The following IFT56 variants were observed in gnomAD, a reference collection of about 807,000 sequenced individuals.
IFT56 encodes intraflagellar transport protein 56.
chr7:139,187,550 A>G, the IFT56 span: 1 of 1,614,012 alleles, frequency 6.2e-7, no homozygotes, highest in Non-Finnish European at 8.5e-7. Flanking sequence ...GTAAGTAAAC[A>G]GGCAAGAAAT....
At chr7:139,149,161 T>C in the IFT56 span, among the ~76,000 whole-genome samples, 2 of 151,682 alleles carry the variant, frequency 1.3e-5, no homozygotes, top group African/African-American at 2.4e-5. Context: ...AAAAATTAGC[T>C]GGGCGTGGTG....
chr7:139,180,569 G>C, the IFT56 span, among the ~76,000 whole-genome samples: 3 of 152,092 alleles, frequency 2.0e-5, no homozygotes, highest in African/African-American at 7.2e-5. Flanking sequence ...AATTAGCTGG[G>C]TGTGGTGGCA....
chr7:139,137,970 G>T, the IFT56 span: 2 of 1,369,070 alleles, frequency 1.5e-6, no homozygotes, highest in South Asian at 1.2e-5. Flanking sequence ...TTTCCTAACA[G>T]AACTGTGTTT....
chr7:139,187,639 T>TA, the IFT56 span: 1 of 1,413,942 alleles, frequency 7.1e-7, no homozygotes, highest in African/African-American at 1.4e-5. Flanking sequence ...CACATGATTA[T>TA]AATGATGTTT....
chr7:139,135,603 C>T, the IFT56 span, among the ~76,000 whole-genome samples: 9 of 152,308 alleles, frequency 5.9e-5, no homozygotes, highest in African/African-American at 2.2e-4. Context: ...GATATCGATT[C>T]CTGGGCTCCT....
At chr7:139,145,978 C>G in the IFT56 span, among the ~76,000 whole-genome samples, 2 of 152,056 alleles carry the variant, frequency 1.3e-5, no homozygotes, top group African/African-American at 4.8e-5. Context: ...TAATATTTTA[C>G]TCTCTTTTCT....
the IFT56 span, among the ~76,000 whole-genome samples, chr7:139,176,345 A>G: frequency 1.3e-5 from 2 of 152,106 alleles, no homozygotes; most frequent in African/African-American, 4.8e-5. Context: ...TATGGACTAC[A>G]TACCCACAAA....
At chr7:139,148,104 G>A in the IFT56 span, 1 of 1,033,740 alleles carries the variant, frequency 9.7e-7, no homozygotes, top group Non-Finnish European at 1.4e-6. Flanking sequence ...TCATAAGGCA[G>A]GTTCATGAAC....
At chr7:139,153,442 G>A in the IFT56 span, among the ~76,000 whole-genome samples, 359 of 134,122 alleles carry the variant, frequency 2.7e-3, no homozygotes, top group Non-Finnish European at 4.1e-3. Flanking sequence ...CCGATACTCC[G>A]TCTCAAAAAA....
At chr7:139,148,376 A>G in the IFT56 span, 1 of 1,606,170 alleles carries the variant, frequency 6.2e-7, no homozygotes, top group Non-Finnish European at 8.5e-7. Flanking sequence ...AGAGCAGCTG[A>G]GGTATTGATG....
At chr7:139,152,881 T>A in the IFT56 span, among the ~76,000 whole-genome samples, 2 of 152,128 alleles carry the variant, frequency 1.3e-5, no homozygotes, top group African/African-American at 4.8e-5. Flanking sequence ...AGGCACAGTG[T>A]CTCATGCCTG....
At chr7:139,163,975 A>G in the IFT56 span, among the ~76,000 whole-genome samples, 2 of 152,256 alleles carry the variant, frequency 1.3e-5, no homozygotes, top group African/African-American at 2.4e-5. Context: ...GCTAGGCTCT[A>G]GAAATACAAC....
the IFT56 span, among the ~76,000 whole-genome samples, chr7:139,138,972 G>A: frequency 1.8e-3 from 270 of 152,002 alleles, 2 homozygotes; most frequent in African/African-American, 6.2e-3. Context: ...CACCATGCCC[G>A]GCTAATTTTT....
chr7:139,178,466 A>G, the IFT56 span: 13 of 1,556,008 alleles, frequency 8.4e-6, no homozygotes, highest in South Asian at 1.2e-4. Context: ...TGATGGTTAT[A>G]TTTTATATGT....
the IFT56 span, among the ~76,000 whole-genome samples, chr7:139,147,876 A>G: frequency 6.6e-6 from 1 of 151,754 alleles, no homozygotes; most frequent in African/African-American, 2.4e-5. Context: ...ACCTGCTTCC[A>G]TTTCCAGCCA....
chr7:139,148,381 T>A, the IFT56 span: 4 of 1,603,082 alleles, frequency 2.5e-6, no homozygotes, highest in East Asian at 9.0e-5. Flanking sequence ...AGCTGAGGTA[T>A]TGATGGAAGT....
chr7:139,133,818 C>T, the IFT56 span: 4 of 1,614,062 alleles, frequency 2.5e-6, no homozygotes, highest in South Asian at 4.4e-5. Context: ...TGAGGCGCGG[C>T]CTTCGCTGTG....
chr7:139,137,859 G>T, the IFT56 span: 1 of 1,613,180 alleles, frequency 6.2e-7, no homozygotes, highest in Non-Finnish European at 8.5e-7. Context: ...CAAACGTCAT[G>T]TTGGGGAAGA....
the IFT56 span, among the ~76,000 whole-genome samples, chr7:139,143,858 A>G: frequency 6.6e-6 from 1 of 152,066 alleles, no homozygotes; most frequent in South Asian, 2.1e-4. Context: ...ATATTATTTT[A>G]GCAGTTACCA....
Sources: gnomAD v4.1 joint callset for allele counts (sites outside exome capture counted in the v4.1 genomes callset) on GRCh38, gnomAD v4.1.1 for gene constraint, MANE v1.5 for transcripts, NCBI Gene and HGNC (gene_info 2026-07-23, HGNC 2026-07-21) for gene names.